The following CYP4X1 variants were observed in gnomAD, a reference collection of about 807,000 sequenced individuals.
CYP4X1 encodes the protein cytochrome P450 family 4 subfamily X member 1.
A neutral mutation model predicts 57.9 loss-of-function variants in CYP4X1; 44 were observed. The observed-to-expected ratio is 0.76, with a 90% CI of 0.60 to 0.98. The LOEUF (loss-of-function observed/expected upper bound fraction) is 0.98, where lower values mean the gene tolerates loss of function less well. CYP4X1 is among the 50% of genes least tolerant of loss of function. The pLI, the probability that CYP4X1 is intolerant of heterozygous loss-of-function variation, is 0.00. For synonymous variants in CYP4X1, 227 were observed against 228.6 expected (o/e 0.99, Z 0.06); for missense variants, 532 against 623.9 (o/e 0.85, Z 1.57).
the CYP4X1 span, among the ~76,000 whole-genome samples, chr1:46,998,160 G>T: frequency 6.9e-6 from 1 of 145,284 alleles, no homozygotes; most frequent in Non-Finnish European, 1.5e-5. Flanking sequence ...GTTTTTTGTA[G>T]GTTTTTCTGT....
At chr1:47,012,822 C>T in the CYP4X1 span, among the ~76,000 whole-genome samples, 1 of 152,188 alleles carries the variant, frequency 6.6e-6, no homozygotes, top group South Asian at 2.1e-4. Context: ...TTATAGTTTC[C>T]ACTTCCTGGT....
chr1:47,023,442 C>A, upstream of CYP4X1: 2 of 818,470 alleles, frequency 2.4e-6, no homozygotes, highest in Non-Finnish European at 3.0e-6. Flanking sequence ...AAATCTCTTG[C>A]ATAGCCATTT....
the CYP4X1 span, among the ~76,000 whole-genome samples, chr1:46,999,026 T>TGTGTGTGTGTGTGTGTGTGTG: frequency 4.9e-5 from 7 of 143,328 alleles, no homozygotes; most frequent in African/African-American, 1.9e-4. Flanking sequence ...CTTGCTTTCT[T>TGTGTGTGTGTGTGTGTGTGTG]TGTGTGTGTG....
the CYP4X1 span, among the ~76,000 whole-genome samples, chr1:47,017,362 A>G: frequency 1.3e-5 from 2 of 152,266 alleles, no homozygotes; most frequent in East Asian, 3.9e-4. Context: ...ATAAAAACCA[A>G]GGCTTTAATT....
upstream of CYP4X1, among the ~76,000 whole-genome samples, chr1:47,021,916 C>G (rs140606319): frequency 6.6e-6 from 1 of 152,154 alleles, no homozygotes; most frequent in African/African-American, 2.4e-5. Flanking sequence ...AGGGACCGGA[C>G]CAGGCAAGAT....
the CYP4X1 span, among the ~76,000 whole-genome samples, chr1:46,984,882 G>A: frequency 6.6e-6 from 1 of 152,204 alleles, no homozygotes; most frequent in East Asian, 1.9e-4. Flanking sequence ...TGGAAAGGGG[G>A]CTAAAGCCAG....
the CYP4X1 span, among the ~76,000 whole-genome samples, chr1:46,984,993 T>A: frequency 6.6e-6 from 1 of 152,212 alleles, no homozygotes; most frequent in East Asian, 1.9e-4. Context: ...GAGTCTGAGG[T>A]CAACCTGGGA....
At chr1:46,965,446 T>G in the CYP4X1 span, among the ~76,000 whole-genome samples, 13 of 152,238 alleles carry the variant, frequency 8.5e-5, no homozygotes, top group African/African-American at 3.1e-4. Flanking sequence ...TTTTTGTTTT[T>G]CTTTTAACTC....
At chr1:47,022,245 A>G (rs1245583693), upstream of CYP4X1, among the ~76,000 whole-genome samples, 1 of 150,874 alleles carries the variant, frequency 6.6e-6, no homozygotes, top group Non-Finnish European at 1.5e-5. Flanking sequence ...GGCCAGGACG[A>G]ACTTGGTCCA....
At chr1:46,987,094 G>A in the CYP4X1 span, among the ~76,000 whole-genome samples, 7 of 152,184 alleles carry the variant, frequency 4.6e-5, no homozygotes, top group African/African-American at 1.7e-4. Context: ...ATTGGATAAA[G>A]AGTCAAGATC....
chr1:47,019,727 G>T (rs1284675529), upstream of CYP4X1, among the ~76,000 whole-genome samples: 1 of 152,196 alleles, frequency 6.6e-6, no homozygotes, highest in Admixed American at 6.5e-5. Flanking sequence ...TCAGGACCTA[G>T]AGTTAGACTG....
the CYP4X1 span, among the ~76,000 whole-genome samples, chr1:46,980,047 T>A: frequency 6.6e-6 from 1 of 152,286 alleles, no homozygotes; most frequent in East Asian, 1.9e-4. Context: ...ACTGGAAGCA[T>A]TCCCTTTGAA....
At chr1:46,990,988 T>C in the CYP4X1 span, among the ~76,000 whole-genome samples, 28 of 151,108 alleles carry the variant, frequency 1.9e-4, no homozygotes, top group African/African-American at 6.8e-4. Flanking sequence ...CCACGGCACA[T>C]GTATACCTAT....
chr1:47,028,251 T>C (rs1269912106), intron 1 of CYP4X1, among the ~76,000 whole-genome samples: 1 of 152,150 alleles, frequency 6.6e-6, no homozygotes, highest in South Asian at 2.1e-4. Flanking sequence ...ATAAAGCACT[T>C]GGGCTCCAGA....
At chr1:47,022,425 G>C (rs1644008615), upstream of CYP4X1, among the ~76,000 whole-genome samples, 1 of 151,810 alleles carries the variant, frequency 6.6e-6, no homozygotes. Flanking sequence ...TGAGTAGCTG[G>C]GATTACAGGC....
At chr1:46,990,369 A>G in the CYP4X1 span, among the ~76,000 whole-genome samples, 1 of 152,254 alleles carries the variant, frequency 6.6e-6, no homozygotes, top group Non-Finnish European at 1.5e-5. Context: ...CAAGCCAGTT[A>G]GAATGGCGAT....
At chr1:46,991,765 C>T in the CYP4X1 span, among the ~76,000 whole-genome samples, 18 of 151,750 alleles carry the variant, frequency 1.2e-4, no homozygotes, top group African/African-American at 3.4e-4. Context: ...GAAAGGAATA[C>T]GCTGGCCGGC....
At chr1:46,970,407 C>A in the CYP4X1 span, among the ~76,000 whole-genome samples, 1 of 152,150 alleles carries the variant, frequency 6.6e-6, no homozygotes, top group Non-Finnish European at 1.5e-5. Context: ...CTTACAAACA[C>A]CAACATTCAA....
the CYP4X1 span, among the ~76,000 whole-genome samples, chr1:46,980,616 T>C: frequency 2.5e-4 from 38 of 152,250 alleles, no homozygotes; most frequent in African/African-American, 8.7e-4. Context: ...CTTCACAGAA[T>C]TAGAAAAAGC....
Sources: gnomAD v4.1 joint callset for allele counts (sites outside exome capture counted in the v4.1 genomes callset) on GRCh38, gnomAD v4.1.1 for gene constraint, MANE v1.5 for transcripts, NCBI Gene and HGNC (gene_info 2026-07-23, HGNC 2026-07-21) for gene names.